WFS1: variants seen among roughly 807,000 people sequenced by gnomAD.
WFS1 encodes the protein wolframin.
In WFS1, 90 loss-of-function variants were observed where a neutral mutation model predicts 68.5. The observed-to-expected ratio is 1.31, with a 90% CI of 1.11 to 1.56. The LOEUF (loss-of-function observed/expected upper bound fraction) is 1.56, where lower values mean the gene tolerates loss of function less well. WFS1 is among the 40% of genes most tolerant of loss of function. WFS1 has a pLI of 0.00. For missense variants in WFS1, 1,767 were observed against 1,232.6 expected, an observed-to-expected ratio of 1.43 and a Z score of -6.49; for synonymous variants, 860 against 540.7, an observed-to-expected ratio of 1.59 and a Z score of -8.19.
At position 6,294,642 on chromosome 4, in the gene WFS1, C is replaced by T. The variant is rs111789569; in HGVS notation, c.713-399C>T. 8.1e-3 allele frequency: 2,644 copies of T among 326,350 alleles called. 73 individuals carry two copies. Among genetic ancestry groups the T allele is most frequent in the African/African-American group, 0.051 (2,393 of 46,570 alleles). The allele number at this position is 326,350 out of a possible 1,614,324, so 20.2% of individuals were successfully genotyped here. ...CTGCCCTACAGGGCGGCTTGTCACC[C>T]GTGCTGTGAGAAGCCCCACGCTGGC... is the stretch of plus-strand genomic sequence containing the variant. On this transcript the variant is annotated intron_variant, in intron 6 of 7. Transcript: ENST00000226760.
At chr4:6,286,437 A>G (rs1025594430) in intron 2 of WFS1, among the ~76,000 whole-genome samples, 5 of 152,176 alleles carry the variant, frequency 3.3e-5, no homozygotes, top group Non-Finnish European at 7.3e-5. Context: ...CTGCAACACT[A>G]TGATCTTGGA....
rs1389564558 is a variant in WFS1 at position 6,302,467 on chromosome 4, G to A, written c.2672G>A (p.Ter891=). 2 of 1,612,534 alleles carry A rather than the reference G, an allele frequency of 1.2e-6. No homozygotes were observed. The highest frequency in any genetic ancestry group is 1.3e-5 in the African/African-American group (1 of 74,954). Residue 891 remains the stop codon, a stop_retained_variant, in exon 8 of 8, where the codon TGA becomes TAA. Coordinates refer to ENST00000226760, the MANE Select transcript of WFS1 (RefSeq NM_006005.3). ...FFFFPFLSAA[*] ...TTCTTCCCATTCCTGTCGGCGGCCT[G>A]AGGATGGTCCGCCACGAGGAGCTTC...
At position 6,294,993 on chromosome 4, in the gene WFS1, G is replaced by A. The variant is rs983630777; in HGVS notation, c.713-48G>A. On this transcript the variant is annotated intron_variant, in intron 6 of 7. Coordinates refer to ENST00000226760, the MANE Select transcript of WFS1 (RefSeq NM_006005.3). ...CCCATTGCTCTGTGTGAGGGTGGCA[G>A]TGGGGCTGCAGTGTGGGGCGCCCAT... 1.9e-6 allele frequency: 3 copies of A among 1,612,360 alleles called. No homozygotes were observed. The Admixed American group carries it at 5.0e-5, about 27-fold the overall frequency.
chr4:6,299,058 G>A (rs570586369), intron 7 of WFS1, among the ~76,000 whole-genome samples: 1 of 152,230 alleles, frequency 6.6e-6, no homozygotes, highest in Non-Finnish European at 1.5e-5. Flanking sequence ...TTCTGAAGAT[G>A]CACAGAACCT....
chr4:6,277,980 C>T (rs1328744764), intron 2 of WFS1, among the ~76,000 whole-genome samples: 1 of 152,254 alleles, frequency 6.6e-6, no homozygotes, highest in Non-Finnish European at 1.5e-5. Context: ...GCAACAGCGT[C>T]CAAACATGTG....
intron 1 of WFS1, among the ~76,000 whole-genome samples, chr4:6,271,163 C>T (rs1027624470): frequency 6.6e-6 from 1 of 152,226 alleles, no homozygotes; most frequent in African/African-American, 2.4e-5. Flanking sequence ...TCACTGTCGC[C>T]ACCTGTTTAC....
intron 2 of WFS1, among the ~76,000 whole-genome samples, chr4:6,284,287 C>T (rs902789679): frequency 2.6e-5 from 4 of 152,212 alleles, no homozygotes; most frequent in South Asian, 2.1e-4. Context: ...GCAGAAGAAT[C>T]GCTTGAACCC....
At chr4:6,294,100 C>T (rs1435632718) in intron 6 of WFS1, among the ~76,000 whole-genome samples, 2 of 152,226 alleles carry the variant, frequency 1.3e-5, no homozygotes, top group Non-Finnish European at 2.9e-5. Flanking sequence ...CCCACTATCA[C>T]GGCTGCCATC....
chr4:6,294,321 G>C (rs1346881780), intron 6 of WFS1, among the ~76,000 whole-genome samples: 1 of 152,072 alleles, frequency 6.6e-6, no homozygotes, highest in African/African-American at 2.4e-5. Context: ...TAGCTCTCGC[G>C]GATCACGTTG....
chr4:6,279,858 T>C (rs922457109), intron 2 of WFS1, among the ~76,000 whole-genome samples: 5 of 152,156 alleles, frequency 3.3e-5, no homozygotes, highest in African/African-American at 7.2e-5. Flanking sequence ...AGCCTTGGGG[T>C]TGCCCTTCTC....
chr4:6,284,652 G>T (rs1212973788), intron 2 of WFS1, among the ~76,000 whole-genome samples: 1 of 151,894 alleles, frequency 6.6e-6, no homozygotes. Flanking sequence ...TGGGGAAGTG[G>T]GGGAGGGAAG....
intron 1 of WFS1, among the ~76,000 whole-genome samples, chr4:6,274,961 C>T (rs765657899): frequency 2.0e-5 from 3 of 152,196 alleles, no homozygotes; most frequent in Non-Finnish European, 4.4e-5. Flanking sequence ...TCCCTCCCCT[C>T]CCTGCACCTG....
chr4:6,296,693 G>A (rs149828688), intron 7 of WFS1, among the ~76,000 whole-genome samples: 1 of 152,238 alleles, frequency 6.6e-6, no homozygotes, highest in Non-Finnish European at 1.5e-5. Flanking sequence ...CCATGGCCCA[G>A]GTGTCCCAGT....
In WFS1 at chr4:6,302,898, A is replaced by ATTTG. The variant is rs960431689; in HGVS notation, c.*435_*438dup. ...TGTAACCTCCACAGTAGCATTTCTT[A>ATTTG]TTTGTTTGGTCACTGCTACACCTTA... is the stretch of plus-strand genomic sequence containing the variant. On this transcript the variant is annotated 3_prime_UTR_variant, in exon 8 of 8. Transcript: ENST00000226760. The ATTTG allele has an allele frequency of 1.3e-5, 3 of 231,190 alleles. No homozygotes were observed. Among genetic ancestry groups the ATTTG allele is most frequent in the African/African-American group, 4.6e-5 (2 of 43,616 alleles). The allele number at this position is 231,190 out of a possible 1,614,324, so 14.3% of individuals were successfully genotyped here.
In WFS1 at chr4:6,302,073, C is replaced by A. The variant is rs1553878931; in HGVS notation, c.2278C>A (p.Leu760Met). 6.2e-7 allele frequency: 1 copy of A among 1,612,884 alleles called. No homozygotes were observed. The highest frequency in any genetic ancestry group is 1.3e-5 in the African/African-American group (1 of 75,068). ...GGAGGAGCTCTGTCGCCTTAAGCTGCTGGCCAAGCACCCCTGCCACATCAA... is the reference window on the plus strand; with the variant it reads ...GGAGGAGCTCTGTCGCCTTAAGCTGATGGCCAAGCACCCCTGCCACATCAA... ...AEEELCRLKL[L>M]AKHPCHIKKF... Residue 760 changes from leucine (L) to methionine (M), a missense_variant, in exon 8 of 8, where the codon CTG (leucine) becomes ATG (methionine). By Grantham distance (15) the Leu-to-Met change is conservative (BLOSUM62 2). Transcript: ENST00000226760.
In WFS1 at chr4:6,270,996, C is replaced by G. The variant is rs541714845; in HGVS notation, c.-6+982C>G. ...GTCTCTCCTCACCTTGGACAGTGAC[C>G]CCTGGCATTTGGCCCAGGGCTTTGC... On this transcript the variant is annotated intron_variant, in intron 1 of 7. Transcript: ENST00000226760. 1.9e-4 allele frequency among the ~76,000 whole-genome samples: 29 copies of G among 152,278 alleles called. No homozygotes were observed. The East Asian group carries it at 5.0e-3, about 26-fold the overall frequency.
At chr4:6,299,425 T>A (rs540568674) in intron 7 of WFS1, among the ~76,000 whole-genome samples, 2 of 150,774 alleles carry the variant, frequency 1.3e-5, no homozygotes, top group African/African-American at 4.9e-5. Context: ...GGTGTGTATG[T>A]GTAGGTGCAC....
intron 5 of WFS1, 72 bp downstream of exon 5, chr4:6,291,439 TAGGGGCTGGGACCTTCCCTC>T: frequency 1.3e-6 from 2 of 1,567,670 alleles, no homozygotes; most frequent in South Asian, 1.1e-5. Context: ...GACCTTCCCA[TAGGGGCTGGGACCTTCCCTC>T]AGGGGCTGGG....
chr4:6,280,029 A>G (rs4328980), intron 2 of WFS1, among the ~76,000 whole-genome samples: 109,814 of 152,186 alleles, frequency 0.72, 40,222 homozygotes, highest in East Asian at 1. Flanking sequence ...AACCACTGCC[A>G]ACGGGTCGGG....
Sources: gnomAD v4.1 joint callset for allele counts (sites outside exome capture counted in the v4.1 genomes callset) on GRCh38, gnomAD v4.1.1 for gene constraint, MANE v1.5 for transcripts, NCBI Gene and HGNC (gene_info 2026-07-23, HGNC 2026-07-21) for gene names.